The following PLCL2 variants were observed in gnomAD, a reference collection of about 807,000 sequenced individuals.
PLCL2 encodes inactive phospholipase C-like protein 2.
PLCL2 carries 4 observed loss-of-function variants against 79.6 expected under a neutral mutation model. That is an observed-to-expected ratio of 0.05 (90% confidence interval 0.02 to 0.11). The LOEUF is 0.11. PLCL2 is among the 10% of genes least tolerant of loss of function. The probability of loss-of-function intolerance (pLI) is 1.00; values close to 1 mark genes in which losing one functional copy is unlikely to be tolerated. For synonymous variants in PLCL2, 484 were observed against 457.7 expected, an observed-to-expected ratio of 1.06 and a Z score of -0.73; for missense variants, 895 against 1,291.0, an observed-to-expected ratio of 0.69 and a Z score of 4.70.
chr3:16,924,798 C>T (rs1280473176), intron 1 of PLCL2, among the ~76,000 whole-genome samples: 4 of 152,106 alleles, frequency 2.6e-5, no homozygotes, highest in African/African-American at 9.7e-5. Context: ...TCAGTGATTG[C>T]AAATAACCAC....
In PLCL2 at chr3:16,995,055, T is replaced by C. The variant is rs181700933; in HGVS notation, c.328-14619T>C. On this transcript the variant is annotated intron_variant, in intron 1 of 5. Coordinates refer to ENST00000615277, the MANE Select transcript of PLCL2 (RefSeq NM_001144382.2). ...AAGCAACAGCAGGATCCTGCACAGC[T>C]AAGCAGGTGGTCACATTGTCCTCCC... 4.2e-3 allele frequency among the ~76,000 whole-genome samples: 645 copies of C among 152,328 alleles called. 2 individuals are homozygous for C. Among genetic ancestry groups the C allele is most frequent in the African/African-American group, 0.015 (615 of 41,586 alleles).
chr3:17,087,488 GC>G (rs2065232592), intron 5 of PLCL2, among the ~76,000 whole-genome samples: 1 of 152,238 alleles, frequency 6.6e-6, no homozygotes, highest in African/African-American at 2.4e-5. Context: ...ATCAATGGTT[GC>G]CAGGGGTTGG....
At chr3:16,942,001 T>G (rs942042012) in intron 1 of PLCL2, among the ~76,000 whole-genome samples, 39 of 152,228 alleles carry the variant, frequency 2.6e-4, no homozygotes, top group African/African-American at 9.2e-4. Context: ...TAAGCAAAGC[T>G]TTAGTCAATA....
chr3:16,968,939 G>T (rs1346429987), intron 1 of PLCL2, among the ~76,000 whole-genome samples: 1 of 152,034 alleles, frequency 6.6e-6, no homozygotes, highest in African/African-American at 2.4e-5. Context: ...CCTAGTTTAT[G>T]GAGGGTTTTT....
At position 17,010,327 on chromosome 3, in the gene PLCL2, A is replaced by G; in HGVS notation, c.981A>G (p.Thr327=). The G allele has an allele frequency of 6.2e-7, 1 of 1,614,158 alleles. No individual in the cohort carries two copies. The highest frequency in any genetic ancestry group is 8.5e-7 in the Non-Finnish European group (1 of 1,180,012). ...KSKDKAGTEV[T]KEEFIEVFHE... is the part of the protein sequence containing the mutation. ...AGGACAAAGCTGGTACCGAGGTCAC[A>G]AAGGAAGAATTTATTGAGGTTTTTC... The change falls in exon 2 of 6, where the codon ACA becomes ACG. Residue 327 remains threonine, a synonymous_variant. Coordinates refer to ENST00000615277, the MANE Select transcript of PLCL2 (RefSeq NM_001144382.2). The surrounding 1 kb of genome is among the most constrained non-coding windows in gnomAD (Gnocchi z 5.8).
chr3:17,011,911 C>T lies in PLCL2; in HGVS notation c.2565C>T (p.Gly855=), dbSNP rs2064328877. 1 of 1,614,102 alleles carries T rather than the reference C, an allele frequency of 6.2e-7. No individual in the cohort carries two copies. The highest frequency in any genetic ancestry group is 1.1e-5 in the South Asian group (1 of 91,086). Residue 855 remains glycine (G), a synonymous_variant, in exon 2 of 6, where the codon GGC becomes GGT. Transcript: ENST00000615277. This position sits in a 1 kb window ranked among gnomAD's most constrained non-coding sequence, Gnocchi z 7.9. The part of the protein sequence containing the change: ...YTIPFECLQT[G]YRHVPLQSLT... ...TTCCCTTTGAATGTTTACAGACGGG[C>T]TACCGCCATGTCCCCCTGCAGTCCT...
chr3:17,000,912 G>T lies in PLCL2; in HGVS notation c.328-8762G>T, dbSNP rs151314919. Among the ~76,000 whole-genome samples the T allele has an allele frequency of 5.0e-3, 756 of 152,208 alleles. 6 individuals carry two copies. Among genetic ancestry groups the T allele is most frequent in the African/African-American group, 0.017 (693 of 41,538 alleles). On this transcript the variant is annotated intron_variant, in intron 1 of 5. Transcript: ENST00000615277. ...TGTGCCGGTATTTCTTCAATGCACT[G>T]ATTTCCTTTCTTTTGGATATATATC...
intron 1 of PLCL2, among the ~76,000 whole-genome samples, chr3:16,978,345 A>G (rs1038086748): frequency 1.3e-5 from 2 of 152,246 alleles, no homozygotes; most frequent in East Asian, 1.9e-4. Context: ...GTGGTCCTCA[A>G]TTTCATCAAC....
chr3:17,012,960 A>G (rs2064342592), intron 2 of PLCL2, among the ~76,000 whole-genome samples: 1 of 152,210 alleles, frequency 6.6e-6, no homozygotes, highest in African/African-American at 2.4e-5. Context: ...TAAAATGACC[A>G]ATGAGAATGA....
At chr3:17,058,003 C>A (rs1446745270) in intron 4 of PLCL2, among the ~76,000 whole-genome samples, 2 of 152,196 alleles carry the variant, frequency 1.3e-5, no homozygotes, top group African/African-American at 4.8e-5. Flanking sequence ...GCATCTAAGC[C>A]ACTCATAAGT....
intron 1 of PLCL2, among the ~76,000 whole-genome samples, chr3:16,997,074 A>T (rs2064161065): frequency 6.6e-6 from 1 of 152,232 alleles, no homozygotes; most frequent in East Asian, 1.9e-4. Context: ...TATACCTTAC[A>T]TAAACAGTTA....
Position 16,937,207 on chromosome 3 carries a change from T to C in PLCL2, c.327+51841T>C, listed in dbSNP as rs117192406. Among the ~76,000 whole-genome samples, 772 of 152,322 alleles carry C rather than the reference T, an allele frequency of 5.1e-3. 22 individuals carry two copies. Among genetic ancestry groups the C allele is most frequent in the Admixed American group, 0.037 (561 of 15,300 alleles). On this transcript the variant is annotated intron_variant, in intron 1 of 5. Transcript: ENST00000615277. ...GATCGGAGTTTGTATTTGACTTTTA[T>C]ATGGTCTATTTTCAAGTAATTTGTC...
intron 1 of PLCL2, among the ~76,000 whole-genome samples, chr3:16,888,729 C>T (rs915932989): frequency 2.0e-5 from 3 of 152,130 alleles, no homozygotes; most frequent in Non-Finnish European, 4.4e-5. Flanking sequence ...ATTCAAGAGC[C>T]TGGTCTAAAA....
In PLCL2 at chr3:16,995,425, C is replaced by T. The variant is rs1270377746; in HGVS notation, c.328-14249C>T. 3.9e-5 allele frequency among the ~76,000 whole-genome samples: 6 copies of T among 152,354 alleles called. No homozygotes were observed. The East Asian group carries it at 1.2e-3, about 29-fold the overall frequency. The stretch of plus-strand genomic sequence containing the variant: ...TCTGCAGCCCAGGAACGTGCACTCT[C>T]AGGCCGCAGGGCCTTCTCTAAGGAG... On this transcript the variant is annotated intron_variant, in intron 1 of 5. Transcript: ENST00000615277.
In PLCL2 at chr3:17,009,225, T is replaced by A. The variant is rs1313198059; in HGVS notation, c.328-449T>A. On this transcript the variant is annotated intron_variant, in intron 1 of 5. Coordinates refer to ENST00000615277, the MANE Select transcript of PLCL2 (RefSeq NM_001144382.2). The surrounding 1 kb of genome is among the most constrained non-coding windows in gnomAD (Gnocchi z 4.0). ...GTCTCAAACTTCTGACCTTGGGTGA[T>A]CTGCCCCTTCTTGGCCTCCCAAAGT... Among the ~76,000 whole-genome samples, 2 of 151,602 alleles carry A rather than the reference T, an allele frequency of 1.3e-5. No individual in the cohort carries two copies. Among genetic ancestry groups the A allele is most frequent in the Non-Finnish European group, 2.9e-5 (2 of 67,938 alleles).
intron 1 of PLCL2, among the ~76,000 whole-genome samples, chr3:16,911,438 C>G (rs1349947821): frequency 6.6e-6 from 1 of 152,022 alleles, no homozygotes; most frequent in East Asian, 1.9e-4. Flanking sequence ...AAGGAGCAGA[C>G]AAAGAATACT....
chr3:16,965,332 G>C (rs1457243498), intron 1 of PLCL2, among the ~76,000 whole-genome samples: 1 of 152,132 alleles, frequency 6.6e-6, no homozygotes, highest in Non-Finnish European at 1.5e-5. Flanking sequence ...GATGGTTGTA[G>C]ATGTGTGGTA....
intron 1 of PLCL2, among the ~76,000 whole-genome samples, chr3:16,958,792 C>T (rs781717831): frequency 5.3e-5 from 8 of 152,162 alleles, no homozygotes; most frequent in Admixed American, 6.5e-5. Flanking sequence ...GTTGAGAATG[C>T]ACATCTGTGT....
intron 1 of PLCL2, among the ~76,000 whole-genome samples, chr3:17,001,152 T>C (rs921972982): frequency 6.6e-6 from 1 of 152,154 alleles, no homozygotes; most frequent in Non-Finnish European, 1.5e-5. Context: ...AGCATTTCCC[T>C]GATGATTAGT....
Sources: allele counts gnomAD v4.1 joint callset (sites outside exome capture counted in the v4.1 genomes callset), GRCh38; gene constraint gnomAD v4.1.1; non-coding constraint Gnocchi (gnomAD v3.1); transcripts MANE v1.5; gene names NCBI Gene and HGNC (gene_info 2026-07-23, HGNC 2026-07-21).